The following IGSF11 variants were observed in gnomAD, a reference collection of about 807,000 sequenced individuals.
The protein encoded by IGSF11 is CXADR like 1.
A neutral mutation model predicts 41.0 loss-of-function variants in IGSF11; 22 were observed. That is an observed-to-expected ratio of 0.54 (90% CI 0.38 to 0.77). The LOEUF is 0.77. IGSF11 is among the 30% of genes least tolerant of loss of function. The probability of loss-of-function intolerance (pLI) is 0.00; values close to 1 mark genes in which losing one functional copy is unlikely to be tolerated. For missense variants in IGSF11, 444 were observed against 530.8 expected (o/e 0.84, Z 1.61); for synonymous variants, 219 against 201.3 (o/e 1.09, Z -0.74).
intron 1 of IGSF11, among the ~76,000 whole-genome samples, chr3:119,024,797 G>T (rs1939656997): frequency 6.6e-6 from 1 of 152,028 alleles, no homozygotes; most frequent in African/African-American, 2.4e-5. Flanking sequence ...GACAAAGAAA[G>T]CTCATTATCA....
intron 4 of IGSF11, among the ~76,000 whole-genome samples, chr3:118,906,041 T>TAACAC (rs2107470612): frequency 6.6e-6 from 1 of 152,308 alleles, no homozygotes; most frequent in East Asian, 1.9e-4. Context: ...GAATTTAAGG[T>TAACAC]AACACCAAAT....
intron 5 of IGSF11, 127 bp downstream of exon 5, chr3:118,905,469 C>A (rs1939474722): frequency 1.2e-5 from 12 of 1,026,530 alleles, no homozygotes; most frequent in South Asian, 9.1e-5. Flanking sequence ...ATAATTAAAA[C>A]CAAAACAATT....
intron 1 of IGSF11, among the ~76,000 whole-genome samples, chr3:118,999,594 T>C (rs1007686924): frequency 1.6e-4 from 24 of 152,316 alleles, no homozygotes; most frequent in African/African-American, 4.3e-4. Context: ...TGTAAGTGAC[T>C]GAGCAAAAAA....
chr3:119,001,082 C>T (rs1170618147), intron 1 of IGSF11, among the ~76,000 whole-genome samples: 1 of 152,098 alleles, frequency 6.6e-6, no homozygotes, highest in Non-Finnish European at 1.5e-5. Flanking sequence ...TACTGGCTGT[C>T]TCTCTGTCTG....
chr3:119,077,389 C>T (rs920639354), intron 1 of IGSF11, among the ~76,000 whole-genome samples: 1 of 151,986 alleles, frequency 6.6e-6, no homozygotes, highest in Non-Finnish European at 1.5e-5. Flanking sequence ...ACACGTTGTG[C>T]ACATGTACCC....
At chr3:119,036,265 G>A (rs1372011564), upstream of IGSF11, among the ~76,000 whole-genome samples, 1 of 152,166 alleles carries the variant, frequency 6.6e-6, no homozygotes, top group Admixed American at 6.5e-5. Flanking sequence ...TATGACAGTA[G>A]AGTTTTTCAT....
intron 1 of IGSF11, among the ~76,000 whole-genome samples, chr3:119,063,102 A>T (rs1942105087): frequency 6.6e-6 from 1 of 152,194 alleles, no homozygotes; most frequent in African/African-American, 2.4e-5. Flanking sequence ...ATAATACATT[A>T]AGTAGCAAAA....
chr3:119,143,292 T>A (rs1231707468), intron 1 of IGSF11, among the ~76,000 whole-genome samples: 1 of 152,166 alleles, frequency 6.6e-6, no homozygotes, highest in Non-Finnish European at 1.5e-5. Flanking sequence ...ACACACTGTA[T>A]AAAGATGCTA....
chr3:119,023,329 C>T lies in IGSF11; in HGVS notation c.52+11202G>A, dbSNP rs1050077656. 4.3e-5 allele frequency among the ~76,000 whole-genome samples: 6 copies of T among 140,106 alleles called. No individual in the cohort carries two copies. The East Asian group carries it at 6.4e-4, about 15-fold the overall frequency. The allele number at this position is 140,106 out of a possible 152,430, so 91.9% of individuals were successfully genotyped here. ...GAAAGAAAGGATAGTAAGAAGATCA[C>T]GAAGATGAAATAACTCCAAAAATTC... On this transcript the variant is annotated intron_variant, in intron 1 of 6. Coordinates refer to ENST00000393775, the MANE Select transcript of IGSF11 (RefSeq NM_001015887.3).
chr3:119,002,654 G>A (rs1576608231), intron 1 of IGSF11, among the ~76,000 whole-genome samples: 1 of 139,488 alleles, frequency 7.2e-6, no homozygotes, highest in Non-Finnish European at 1.5e-5. Flanking sequence ...TTTCTATAAG[G>A]TGTAAGGAAG....
At chr3:119,057,976 G>C (rs1251528924) in intron 1 of IGSF11, among the ~76,000 whole-genome samples, 2 of 152,186 alleles carry the variant, frequency 1.3e-5, no homozygotes, top group Non-Finnish European at 2.9e-5. Context: ...ATTAATTCAA[G>C]GTGGATTAAA....
chr3:119,098,237 A>G (rs140896495), intron 1 of IGSF11, among the ~76,000 whole-genome samples: 111 of 152,218 alleles, frequency 7.3e-4, no homozygotes, highest in African/African-American at 2.3e-3. Flanking sequence ...GTGGCAGATT[A>G]CTTAACCTTT....
intron 1 of IGSF11, among the ~76,000 whole-genome samples, chr3:118,945,538 G>GA (rs1033190033): frequency 3.6e-4 from 55 of 152,258 alleles, no homozygotes; most frequent in African/African-American, 1.3e-3. Context: ...GGTAGGAAAT[G>GA]AAAAGATAAG....
At chr3:118,930,546 C>T (rs75327105) in intron 1 of IGSF11, among the ~76,000 whole-genome samples, 1,746 of 152,158 alleles carry the variant, frequency 0.011, 26 homozygotes, top group African/African-American at 0.04. Flanking sequence ...GATTCAAATA[C>T]GACACAGATG....
At chr3:118,979,074 C>T (rs1189764307) in intron 1 of IGSF11, among the ~76,000 whole-genome samples, 2 of 151,720 alleles carry the variant, frequency 1.3e-5, no homozygotes, top group African/African-American at 2.4e-5. Context: ...GGGAAATTAA[C>T]CAAAGAGATA....
intron 1 of IGSF11, chr3:118,982,032 C>G (rs1260896996): frequency 6.6e-6 from 1 of 152,332 alleles, no homozygotes; most frequent in African/African-American, 2.4e-5. Context: ...CCAGTCATGG[C>G]TCTCCTAGAG....
chr3:119,008,047 A>G (rs1003239460), intron 1 of IGSF11, among the ~76,000 whole-genome samples: 5 of 151,766 alleles, frequency 3.3e-5, no homozygotes, highest in African/African-American at 1.2e-4. Context: ...TCCCCTCTAC[A>G]GACAAGGAAG....
intron 4 of IGSF11, among the ~76,000 whole-genome samples, chr3:118,912,896 G>A (rs1213782855): frequency 6.6e-6 from 1 of 152,146 alleles, no homozygotes; most frequent in Non-Finnish European, 1.5e-5. Flanking sequence ...CTACTCGGGA[G>A]GCTGAGGTAG....
At chr3:118,925,308 A>G (rs538887867) in intron 4 of IGSF11, among the ~76,000 whole-genome samples, 1 of 152,304 alleles carries the variant, frequency 6.6e-6, no homozygotes, top group East Asian at 1.9e-4. Context: ...GGCATAATTA[A>G]GGTTGTTTGT....
Sources: allele counts gnomAD v4.1 joint callset (sites outside exome capture counted in the v4.1 genomes callset), GRCh38; gene constraint gnomAD v4.1.1; transcripts MANE v1.5; gene names NCBI Gene and HGNC (gene_info 2026-07-23, HGNC 2026-07-21).